Variants in WWP1 observed in about 807,000 individuals in gnomAD.
The protein encoded by WWP1 is NEDD4-like E3 ubiquitin-protein ligase WWP1.
Under a neutral mutation model 130.6 loss-of-function variants are expected in WWP1, and 49 were observed. That is an observed-to-expected ratio of 0.38 (90% confidence interval 0.30 to 0.48). WWP1 has a LOEUF of 0.48. Ranked by LOEUF, WWP1 falls within the 20% of genes least tolerant of loss-of-function variation. WWP1 has a pLI of 0.99. For missense variants in WWP1, 809 were observed against 1,100.6 expected (o/e 0.74, Z 3.75); for synonymous variants, 332 against 367.8 (o/e 0.90, Z 1.11).
In WWP1 at chr8:86,398,637, A is replaced by T. The variant is rs779794031; in HGVS notation, c.538A>T (p.Arg180Trp). ...AGAGCCTTCAGCAAGGACAACTGCC[A>T]GGTAGAATATTTTATTTGAATATGG... ...NGEPSARTTARLAVEGTNGID... is the reference protein window; with the variant it reads ...NGEPSARTTAWLAVEGTNGID... Residue 180 changes from arginine (R) to tryptophan (W), a missense_variant and splice_region_variant, in exon 7 of 25, where the codon AGG becomes TGG. Coordinates refer to ENST00000517970, the MANE Select transcript of WWP1 (RefSeq NM_007013.4). The T allele has an allele frequency of 6.2e-7, 1 of 1,611,768 alleles. No homozygotes were observed. The highest frequency in any genetic ancestry group is 1.3e-5 in the African/African-American group (1 of 74,884).
intron 5 of WWP1, among the ~76,000 whole-genome samples, chr8:86,391,800 G>A (rs749376324): frequency 6.6e-6 from 1 of 152,016 alleles, no homozygotes; most frequent in Non-Finnish European, 1.5e-5. Flanking sequence ...GGCAAGTAAC[G>A]AAGTCAGGAT....
intron 20 of WWP1, among the ~76,000 whole-genome samples, chr8:86,451,214 T>TAAAAAAAAAAAAAAAAAAAAA (rs61141803): frequency 2.7e-4 from 12 of 43,680 alleles, no homozygotes; most frequent in Admixed American, 3.6e-4. Flanking sequence ...CCTATGTTAT[T>TAAAAAAAAAAAAAAAAAAAAA]AAAAAAAAAA....
At chr8:86,428,409 G>GTGT (rs907150075) in intron 11 of WWP1, among the ~76,000 whole-genome samples, 1 of 152,158 alleles carries the variant, frequency 6.6e-6, no homozygotes, top group Non-Finnish European at 1.5e-5. Context: ...CTGATAAATG[G>GTGT]TGTGATCATA....
rs189637650 is a variant in WWP1 at position 86,345,305 on chromosome 8, C to G, written c.-115+2375C>G. Among the ~76,000 whole-genome samples the G allele has an allele frequency of 6.6e-5, 10 of 152,202 alleles. No individual in the cohort carries two copies. In the East Asian group the frequency reaches 1.7e-3, roughly 26 times the overall value. ...TACTAATTCTTGGTAAAATGCTGGC[C>G]TGGAAAATTTCCATATGCGCCTATG... On this transcript the variant is annotated intron_variant, in intron 1 of 24. Coordinates refer to ENST00000517970, the MANE Select transcript of WWP1 (RefSeq NM_007013.4).
chr8:86,422,271 G>C (rs28378899), intron 9 of WWP1, among the ~76,000 whole-genome samples: 110,814 of 151,692 alleles, frequency 0.73, 41,330 homozygotes, highest in African/African-American at 0.82. Context: ...TCTGGTTATT[G>C]TATTTTAAAA....
At chr8:86,457,246 ATAG>A (rs776817881) in intron 21 of WWP1, among the ~76,000 whole-genome samples, 1 of 151,990 alleles carries the variant, frequency 6.6e-6, no homozygotes, top group African/African-American at 2.4e-5. Flanking sequence ...ACAATTTCAC[ATAG>A]TAGAATATTC....
chr8:86,385,627 A>G (rs950651011), intron 5 of WWP1, among the ~76,000 whole-genome samples: 3 of 152,188 alleles, frequency 2.0e-5, no homozygotes, highest in African/African-American at 7.2e-5. Context: ...AAAGGATGAA[A>G]GGACATGGTT....
chr8:86,401,765 A>C (rs1451077542), intron 7 of WWP1, among the ~76,000 whole-genome samples: 1 of 152,128 alleles, frequency 6.6e-6, no homozygotes, highest in Non-Finnish European at 1.5e-5. Flanking sequence ...TTATCTGCAG[A>C]ATGAATACAC....
At chr8:86,379,305 T>C (rs2130352885) in intron 3 of WWP1, among the ~76,000 whole-genome samples, 1 of 152,260 alleles carries the variant, frequency 6.6e-6, no homozygotes, top group South Asian at 2.1e-4. Flanking sequence ...TGAACACTCT[T>C]TAATTGCTAT....
chr8:86,387,582 G>A (rs757229104), intron 5 of WWP1, among the ~76,000 whole-genome samples: 2 of 151,750 alleles, frequency 1.3e-5, no homozygotes, highest in Non-Finnish European at 2.9e-5. Flanking sequence ...GTGCAGTCTC[G>A]GCTCACTGCA....
chr8:86,459,149 C>T (rs1586512115), intron 22 of WWP1, among the ~76,000 whole-genome samples: 1 of 151,240 alleles, frequency 6.6e-6, no homozygotes, highest in African/African-American at 2.4e-5. Context: ...CCCGCCTCAG[C>T]ACCCCCACTC....
At chr8:86,442,046 A>G (rs1810621161) in intron 17 of WWP1, among the ~76,000 whole-genome samples, 2 of 152,174 alleles carry the variant, frequency 1.3e-5, no homozygotes, top group Non-Finnish European at 2.9e-5. Flanking sequence ...AATGACAATA[A>G]AGTTAAAAGT....
At chr8:86,432,828 G>A (rs903827857) in intron 14 of WWP1, among the ~76,000 whole-genome samples, 6 of 152,154 alleles carry the variant, frequency 3.9e-5, no homozygotes, top group African/African-American at 1.4e-4. Context: ...GGCTGGTCTC[G>A]GACTCCTGAC....
chr8:86,417,208 A>G (rs1411379698), intron 9 of WWP1: 1 of 152,254 alleles, frequency 6.6e-6, no homozygotes, highest in Non-Finnish European at 1.5e-5. Context: ...AACTGGGTAC[A>G]CAACATGCCC....
chr8:86,443,950 A>G (rs1359656607), intron 18 of WWP1, among the ~76,000 whole-genome samples: 1 of 152,234 alleles, frequency 6.6e-6, no homozygotes, highest in Admixed American at 6.5e-5. Flanking sequence ...GGAAATTCAC[A>G]TAAGAGTTGA....
chr8:86,391,873 G>T (rs930508191), intron 5 of WWP1, among the ~76,000 whole-genome samples: 3 of 152,014 alleles, frequency 2.0e-5, no homozygotes, highest in Non-Finnish European at 4.4e-5. Context: ...GCATTTTAAA[G>T]GAATGTCTTT....
At chr8:86,398,052 T>G (rs1405675114) in intron 5 of WWP1, among the ~76,000 whole-genome samples, 1 of 152,230 alleles carries the variant, frequency 6.6e-6, no homozygotes, top group Non-Finnish European at 1.5e-5. Flanking sequence ...AAGAGTCATC[T>G]GTGGTACCTT....
intron 19 of WWP1, 25 bp downstream of exon 19, chr8:86,448,306 A>C: frequency 6.3e-7 from 1 of 1,586,342 alleles, no homozygotes; most frequent in Non-Finnish European, 8.5e-7. Context: ...TTTTGCAATA[A>C]GTCATTTTTT....
chr8:86,402,484 T>A (rs910814868), intron 8 of WWP1, among the ~76,000 whole-genome samples: 1 of 152,164 alleles, frequency 6.6e-6, no homozygotes, highest in Non-Finnish European at 1.5e-5. Flanking sequence ...GAGACAGAGT[T>A]TCACTTTTTT....
Sources: gnomAD v4.1 joint callset for allele counts (sites outside exome capture counted in the v4.1 genomes callset) on GRCh38, gnomAD v4.1.1 for gene constraint, MANE v1.5 for transcripts, NCBI Gene and HGNC (gene_info 2026-07-23, HGNC 2026-07-21) for gene names.